The following RIN3 variants were observed in gnomAD, a reference collection of about 807,000 sequenced individuals.
RIN3 encodes RAB5 interacting protein 3.
A neutral mutation model predicts 76.3 loss-of-function variants in RIN3; 54 were observed. That is an observed-to-expected ratio of 0.71 (90% CI 0.57 to 0.89). RIN3 has a LOEUF of 0.89. RIN3 is among the 40% of genes least tolerant of loss of function. The probability of loss-of-function intolerance (pLI) is 0.00; values close to 1 mark genes in which losing one functional copy is unlikely to be tolerated. For synonymous variants in RIN3, 576 were observed against 564.0 expected, an observed-to-expected ratio of 1.02 and a Z score of -0.30; for missense variants, 1,256 against 1,322.1, an observed-to-expected ratio of 0.95 and a Z score of 0.78.
intron 3 of RIN3, among the ~76,000 whole-genome samples, chr14:92,592,035 A>G (rs1884995548): frequency 6.6e-6 from 1 of 152,208 alleles, no homozygotes; most frequent in African/African-American, 2.4e-5. Flanking sequence ...ATGTGTATCT[A>G]TATATAAGCA....
chr14:92,536,730 G>C (rs1402234072), intron 1 of RIN3, among the ~76,000 whole-genome samples: 3 of 126,054 alleles, frequency 2.4e-5, no homozygotes, highest in African/African-American at 9.3e-5. Context: ...GACAGAGCAA[G>C]ACTCCGTCTC....
At chr14:92,594,421 A>G (rs1595442143) in intron 3 of RIN3, among the ~76,000 whole-genome samples, 1 of 130,450 alleles carries the variant, frequency 7.7e-6, no homozygotes, top group South Asian at 2.5e-4. Flanking sequence ...AACAAGAGCG[A>G]AACTCTGTCT....
At chr14:92,655,297 G>A (rs1464524187) in intron 6 of RIN3, among the ~76,000 whole-genome samples, 4 of 149,978 alleles carry the variant, frequency 2.7e-5, no homozygotes, top group Admixed American at 2.6e-4. Context: ...GCAGTGAGCC[G>A]AGATTGTGCC....
rs559699411 is a variant in RIN3, at chr14:92,593,642, TAACA to T, written c.367+16169_367+16172del. Among the ~76,000 whole-genome samples the T allele has an allele frequency of 1.2e-4, 19 of 152,276 alleles. 1 individual carries two copies. The South Asian group carries it at 3.5e-3, about 28-fold the overall frequency. ...CCAACATGGCACATTTATACATATG[TAACA>T]AACCTGCACGTTGTGCACATGTACC... On this transcript the variant is annotated intron_variant, in intron 3 of 9. Coordinates refer to ENST00000216487, the MANE Select transcript of RIN3 (RefSeq NM_024832.5).
intron 3 of RIN3, among the ~76,000 whole-genome samples, chr14:92,581,742 T>G (rs1884549046): frequency 6.6e-6 from 1 of 152,188 alleles, no homozygotes; most frequent in South Asian, 2.1e-4. Flanking sequence ...AAACCAGAGC[T>G]GGATGGTCGT....
At chr14:92,572,511 A>C (rs1898089422) in intron 2 of RIN3, among the ~76,000 whole-genome samples, 1 of 152,154 alleles carries the variant, frequency 6.6e-6, no homozygotes, top group South Asian at 2.1e-4. Context: ...TTAGAGAGAC[A>C]GTTAATAACC....
Position 92,641,262 on chromosome 14 carries a change from G to A in RIN3, c.465G>A (p.Arg155=). The A allele has an allele frequency of 6.2e-7, 1 of 1,614,118 alleles. No homozygotes were observed. The highest frequency in any genetic ancestry group is 1.3e-5 in the African/African-American group (1 of 75,052). ...GAGACTTACTGCCCTTCACACTGCG[G>A]CTACCCCAGGCCATCCTTGAGGCCA... ...VSRDLLPFTL[R]LPQAILEASS... Residue 155 remains arginine (R), a synonymous_variant, in exon 5 of 10, where the codon CGG becomes CGA. Transcript: ENST00000216487.
chr14:92,654,292 C>T (rs1334053376), intron 6 of RIN3, among the ~76,000 whole-genome samples: 3 of 147,144 alleles, frequency 2.0e-5, no homozygotes, highest in Non-Finnish European at 4.5e-5. Context: ...CCAGCCTGGG[C>T]GACAAGAGCA....
Position 92,688,425 on chromosome 14 carries a change from C to G in RIN3, c.*173C>G, listed in dbSNP as rs1888963701. ...ATAACATGACGCTCGTCCAAGGCCA[C>G]TTCCTGAGGGCAAGTCCTAATAGCC... On this transcript the variant is annotated 3_prime_UTR_variant, in exon 10 of 10. Transcript: ENST00000216487. 1.6e-6 allele frequency: 1 copy of G among 633,222 alleles called. No individual in the cohort carries two copies. Among genetic ancestry groups the G allele is most frequent in the African/African-American group, 1.9e-5 (1 of 53,310 alleles). 39.2% of individuals were successfully genotyped at this position (633,222 alleles called of 1,614,324 possible).
intron 3 of RIN3, among the ~76,000 whole-genome samples, chr14:92,611,661 G>T (rs1885741774): frequency 6.6e-6 from 1 of 152,098 alleles, no homozygotes; most frequent in Non-Finnish European, 1.5e-5. Context: ...TCCAAATAAG[G>T]TCATATTCAC....
chr14:92,656,017 C>T lies in RIN3; in HGVS notation c.2026+2942C>T, dbSNP rs899324769. Among the ~76,000 whole-genome samples, 1 of 152,154 alleles carries T rather than the reference C, an allele frequency of 6.6e-6. No homozygotes were observed. Among genetic ancestry groups the T allele is most frequent in the African/African-American group, 2.4e-5 (1 of 41,424 alleles). ...AAGGAGCCATGAGACTGGATGAGAT[C>T]ATCCGGGTCTGAGGACTGAGCCACA... On this transcript the variant is annotated intron_variant, in intron 6 of 9. Coordinates refer to ENST00000216487, the MANE Select transcript of RIN3 (RefSeq NM_024832.5). This position sits in a 1 kb window ranked among gnomAD's most constrained non-coding sequence, Gnocchi z 5.2.
At chr14:92,575,254 G>A (rs759470524) in intron 2 of RIN3, among the ~76,000 whole-genome samples, 35 of 152,144 alleles carry the variant, frequency 2.3e-4, no homozygotes, top group Non-Finnish European at 4.9e-4. Flanking sequence ...ACCAGAGCAA[G>A]GTCAGGACAG....
rs749324799 is a variant in RIN3 at position 92,651,652 on chromosome 14, C to T, written c.603C>T (p.Ala201=). The part of the protein sequence containing the change: ...GKPAEPPRDR[A]PGFPLVSSLR... ...CAGCAGAGCCCCCAAGAGACCGGGC[C>T]CCCGGATTCCCCCTAGTCTCCAGCC... Residue 201 remains alanine, a synonymous_variant, in exon 6 of 10, where the codon GCC becomes GCT. Transcript: ENST00000216487. 7 of 1,613,716 alleles carry T rather than the reference C, an allele frequency of 4.3e-6. No homozygotes were observed. Among genetic ancestry groups the T allele is most frequent in the Non-Finnish European group, 5.1e-6 (6 of 1,179,818 alleles).
chr14:92,555,252 C>T (rs1006042450), intron 1 of RIN3, among the ~76,000 whole-genome samples: 1 of 152,208 alleles, frequency 6.6e-6, no homozygotes, highest in Non-Finnish European at 1.5e-5. Flanking sequence ...GAACCCATCC[C>T]GGGTTGCAGT....
At chr14:92,546,321 C>T (rs1158143467) in intron 1 of RIN3, among the ~76,000 whole-genome samples, 2 of 152,114 alleles carry the variant, frequency 1.3e-5, no homozygotes, top group East Asian at 1.9e-4. Flanking sequence ...AGAATCAAAT[C>T]GGGGGATTGG....
chr14:92,541,183 G>A (rs1897123718), intron 1 of RIN3, among the ~76,000 whole-genome samples: 1 of 152,206 alleles, frequency 6.6e-6, no homozygotes, highest in Non-Finnish European at 1.5e-5. Context: ...TCTTGTAATG[G>A]TTACAGCATT....
At chr14:92,525,245 C>G in intron 1 of RIN3, among the ~76,000 whole-genome samples, 1 of 152,310 alleles carries the variant, frequency 6.6e-6, no homozygotes, top group South Asian at 2.1e-4. Context: ...ACAGAAGAGC[C>G]GGCAGCACAA....
At chr14:92,574,688 GC>G (rs948572208) in intron 2 of RIN3, among the ~76,000 whole-genome samples, 8 of 151,880 alleles carry the variant, frequency 5.3e-5, no homozygotes, top group Non-Finnish European at 7.4e-5. Context: ...CCCTTCCATC[GC>G]CCCCTATTGC....
chr14:92,651,498 G>GTCCCCCCCCCCCC, intron 5 of RIN3, 84 bp from the exon 6 acceptor site: 1 of 707,776 alleles, frequency 1.4e-6, no homozygotes, highest in Non-Finnish European at 2.3e-6. Flanking sequence ...CCCACCCGTG[G>GTCCCCCCCCCCCC]ACCCCGCCCA....
Sources: gnomAD v4.1 joint callset for allele counts (sites outside exome capture counted in the v4.1 genomes callset) on GRCh38, gnomAD v4.1.1 for gene constraint, Gnocchi (gnomAD v3.1) non-coding constraint, MANE v1.5 for transcripts, NCBI Gene and HGNC (gene_info 2026-07-23, HGNC 2026-07-21) for gene names.